Variants in FAM171A1 observed in about 807,000 individuals in gnomAD.
The protein encoded by FAM171A1 is protein FAM171A1.
Under a neutral mutation model 74.9 loss-of-function variants are expected in FAM171A1, and 23 were observed. The observed-to-expected ratio is 0.31, with a 90% CI of 0.22 to 0.44. The LOEUF (loss-of-function observed/expected upper bound fraction) is 0.44. Among genes scored for constraint, FAM171A1 ranks in the 20% least tolerant of loss-of-function variants. FAM171A1 has a pLI of 1.00. For missense variants in FAM171A1, 1,162 were observed against 1,159.2 expected, an observed-to-expected ratio of 1.00 and a Z score of -0.03; for synonymous variants, 527 against 505.7, an observed-to-expected ratio of 1.04 and a Z score of -0.57.
rs562263700 is a variant in FAM171A1 at position 15,234,573 on chromosome 10, C to T, written c.755-13513G>A. On this transcript the variant is annotated intron_variant, in intron 5 of 7. Coordinates refer to ENST00000378116, the MANE Select transcript of FAM171A1 (RefSeq NM_001010924.2). ...TTGGCTCACTCTAGTAGCCCATGAG[C>T]AGTCTCTTTGGTTACGGGAGGGGAA... 1.1e-4 allele frequency among the ~76,000 whole-genome samples: 16 copies of T among 152,194 alleles called. No individual in the cohort carries two copies. The East Asian group carries it at 3.1e-3, about 29-fold the overall frequency.
At chr10:15,327,818 G>A (rs914587716) in intron 1 of FAM171A1, among the ~76,000 whole-genome samples, 1 of 151,680 alleles carries the variant, frequency 6.6e-6, no homozygotes. Flanking sequence ...TATGTATTTG[G>A]TACTATGCCT....
At chr10:15,286,902 T>C (rs989542527) in intron 1 of FAM171A1, among the ~76,000 whole-genome samples, 1 of 152,132 alleles carries the variant, frequency 6.6e-6, no homozygotes, top group African/African-American at 2.4e-5. Context: ...CTTAAAATGT[T>C]TTAGCAAGAA....
At chr10:15,256,249 C>A (rs943654413) in intron 3 of FAM171A1, among the ~76,000 whole-genome samples, 1 of 152,116 alleles carries the variant, frequency 6.6e-6, no homozygotes, top group Admixed American at 6.5e-5. Context: ...AGTGAAGAAG[C>A]CTGTCTAGAC....
chr10:15,293,762 G>A (rs1564635027), intron 1 of FAM171A1, among the ~76,000 whole-genome samples: 1 of 152,196 alleles, frequency 6.6e-6, no homozygotes, highest in Non-Finnish European at 1.5e-5. Flanking sequence ...GGCCCTGATT[G>A]TGGTTTACGG....
chr10:15,237,787 C>CT (rs1423758730), intron 5 of FAM171A1: 52 of 151,750 alleles, frequency 3.4e-4, no homozygotes, highest in African/African-American at 1.3e-3. Flanking sequence ...CCCCCTTTTC[C>CT]CCTACCGGTC....
intron 1 of FAM171A1, among the ~76,000 whole-genome samples, chr10:15,310,022 C>T (rs148205858): frequency 2.6e-4 from 39 of 152,258 alleles, no homozygotes; most frequent in African/African-American, 5.5e-4. Context: ...GGGTGTAGGA[C>T]GCACTAGCCT....
At position 15,214,249 on chromosome 10, in the gene FAM171A1, G is replaced by A. The variant is rs1833936915; in HGVS notation, c.1339C>T (p.Leu447Phe). 6.2e-7 allele frequency: 1 copy of A among 1,613,982 alleles called. No homozygotes were observed. The highest frequency in any genetic ancestry group is 1.3e-5 in the African/African-American group (1 of 74,906). Reference protein sequence around the residue: ...EDKSQISFDNLTPSGTLGKDY... With the variant: ...EDKSQISFDNFTPSGTLGKDY... ...TTCCCCAGCGTCCCACTTGGAGTGAGGTTATCAAAGGAGATCTGGCTTTTA... is the reference window on the plus strand; with the variant it reads ...TTCCCCAGCGTCCCACTTGGAGTGAAGTTATCAAAGGAGATCTGGCTTTTA... The change falls in exon 8 of 8, where the codon CTC becomes TTC. Residue 447 changes from leucine to phenylalanine, a missense_variant. Coordinates refer to ENST00000378116, the MANE Select transcript of FAM171A1 (RefSeq NM_001010924.2).
intron 1 of FAM171A1, among the ~76,000 whole-genome samples, chr10:15,324,692 A>G (rs1835529080): frequency 6.6e-6 from 1 of 152,088 alleles, no homozygotes; most frequent in East Asian, 1.9e-4. Context: ...AATCATCTTA[A>G]CCACCAGCGT....
At chr10:15,276,747 C>T (rs988511933) in intron 2 of FAM171A1, among the ~76,000 whole-genome samples, 15 of 152,136 alleles carry the variant, frequency 9.9e-5, no homozygotes, top group South Asian at 2.1e-4. Flanking sequence ...TGCAGTGGCA[C>T]GGTTAGAACT....
chr10:15,261,851 C>G (rs1181272960), intron 3 of FAM171A1, among the ~76,000 whole-genome samples: 1 of 152,166 alleles, frequency 6.6e-6, no homozygotes, highest in African/African-American at 2.4e-5. Flanking sequence ...GGTGTGGTGG[C>G]TCATCCTTGT....
intron 1 of FAM171A1, among the ~76,000 whole-genome samples, chr10:15,350,580 A>G (rs990653663): frequency 6.6e-6 from 1 of 150,880 alleles, no homozygotes; most frequent in Non-Finnish European, 1.5e-5. Flanking sequence ...TGACCTCATG[A>G]TCCGCCTGCC....
intron 1 of FAM171A1, among the ~76,000 whole-genome samples, chr10:15,351,062 T>C (rs923431743): frequency 2.6e-5 from 4 of 152,206 alleles, no homozygotes; most frequent in African/African-American, 9.6e-5. Context: ...CATGCTTTTC[T>C]CACACCTAGA....
intron 5 of FAM171A1, among the ~76,000 whole-genome samples, chr10:15,233,194 C>G (rs1288653494): frequency 1.3e-5 from 2 of 152,028 alleles, no homozygotes. Flanking sequence ...ACTCAGGAGG[C>G]TGAGGCAGGA....
At chr10:15,275,288 GTT>G (rs368213766) in intron 3 of FAM171A1, among the ~76,000 whole-genome samples, 5 of 140,122 alleles carry the variant, frequency 3.6e-5, no homozygotes, top group African/African-American at 5.2e-5. Flanking sequence ...TTCCATTTAA[GTT>G]TTTTTTTTTT....
intron 3 of FAM171A1, among the ~76,000 whole-genome samples, chr10:15,258,562 C>T (rs1377964244): frequency 6.6e-6 from 1 of 152,184 alleles, no homozygotes; most frequent in Non-Finnish European, 1.5e-5. Flanking sequence ...ACTCTGTTAT[C>T]CCCATAAGCG....
intron 1 of FAM171A1, among the ~76,000 whole-genome samples, chr10:15,359,609 T>C (rs369222319): frequency 1.3e-5 from 2 of 152,050 alleles, no homozygotes; most frequent in African/African-American, 2.4e-5. Context: ...TGTCAATACA[T>C]TGTGTTAAAA....
chr10:15,311,694 G>A (rs1360452288), intron 1 of FAM171A1, among the ~76,000 whole-genome samples: 2 of 152,144 alleles, frequency 1.3e-5, no homozygotes, highest in Non-Finnish European at 1.5e-5. Flanking sequence ...CATAGAGTAG[G>A]AGGTGATTGC....
At chr10:15,298,688 A>T (rs1835190543) in intron 1 of FAM171A1, among the ~76,000 whole-genome samples, 1 of 152,236 alleles carries the variant, frequency 6.6e-6, no homozygotes, top group Non-Finnish European at 1.5e-5. Flanking sequence ...GAAGCAATGT[A>T]TATCCATAAA....
intron 6 of FAM171A1, among the ~76,000 whole-genome samples, chr10:15,217,462 C>T (rs1191295051): frequency 6.6e-6 from 1 of 152,070 alleles, no homozygotes; most frequent in Non-Finnish European, 1.5e-5. Context: ...AATTTAAGAC[C>T]TAGATAAACC....
Sources: allele counts gnomAD v4.1 joint callset (sites outside exome capture counted in the v4.1 genomes callset), GRCh38; gene constraint gnomAD v4.1.1; transcripts MANE v1.5; gene names NCBI Gene and HGNC (gene_info 2026-07-23, HGNC 2026-07-21).